The following CTIF variants were observed in gnomAD, a reference collection of about 807,000 sequenced individuals.
CTIF encodes the protein cap binding complex dependent translation initiation factor.
CTIF carries 21 observed loss-of-function variants against 66.0 expected under a neutral mutation model. The ratio of observed to expected loss-of-function variants is 0.32; its 90% CI spans 0.23 to 0.46. The LOEUF is 0.46. Ranked by LOEUF, CTIF falls within the 20% of genes least tolerant of loss-of-function variation. The pLI is 1.00. For synonymous variants in CTIF, 345 were observed against 326.4 expected (o/e 1.06, Z -0.62); for missense variants, 739 against 812.7 (o/e 0.91, Z 1.10).
At chr18:48,746,805 C>T (rs1053601857) in intron 7 of CTIF, among the ~76,000 whole-genome samples, 11 of 152,134 alleles carry the variant, frequency 7.2e-5, no homozygotes, top group Admixed American at 4.6e-4. Context: ...CCCATCCCCA[C>T]TACTTCTCTG....
At chr18:48,634,937 C>G (rs2090785752) in intron 2 of CTIF, among the ~76,000 whole-genome samples, 1 of 152,128 alleles carries the variant, frequency 6.6e-6, no homozygotes, top group African/African-American at 2.4e-5. Flanking sequence ...TATTGATTAC[C>G]TGTTGAAGTG....
chr18:48,854,501 C>T (rs943289886), intron 10 of CTIF, among the ~76,000 whole-genome samples: 1 of 152,178 alleles, frequency 6.6e-6, no homozygotes, highest in African/African-American at 2.4e-5. Context: ...TAGAGGCAAA[C>T]GTGTGCAGGC....
At chr18:48,588,631 C>T (rs1012980642) in intron 1 of CTIF, among the ~76,000 whole-genome samples, 4 of 152,166 alleles carry the variant, frequency 2.6e-5, no homozygotes, top group Admixed American at 6.5e-5. Context: ...CTGCCCGGCT[C>T]GCTCCACATC....
intron 1 of CTIF, among the ~76,000 whole-genome samples, chr18:48,594,372 T>C (rs1402107792): frequency 8.0e-6 from 1 of 125,112 alleles, no homozygotes; most frequent in Non-Finnish European, 1.6e-5. Flanking sequence ...ATATAGCCAG[T>C]CCTGCTTGCT....
chr18:48,764,436 AC>A (rs1399088185), intron 9 of CTIF, among the ~76,000 whole-genome samples: 1 of 152,074 alleles, frequency 6.6e-6, no homozygotes, highest in Non-Finnish European at 1.5e-5. Context: ...GGAGGTGGGA[AC>A]CCCTCTACTT....
At chr18:48,765,946 T>A (rs965758216) in intron 9 of CTIF, among the ~76,000 whole-genome samples, 9 of 137,708 alleles carry the variant, frequency 6.5e-5, no homozygotes, top group Non-Finnish European at 1.1e-4. Context: ...TTTTATTTTT[T>A]AATCATTTTT....
intron 9 of CTIF, among the ~76,000 whole-genome samples, chr18:48,788,611 G>A (rs1422207007): frequency 2.0e-5 from 3 of 152,168 alleles, no homozygotes; most frequent in African/African-American, 7.2e-5. Flanking sequence ...TGGAGCTGGA[G>A]GAGGTCAGGG....
intron 1 of CTIF, chr18:48,567,811 G>A (rs7240397): frequency 0.16 from 24,222 of 152,244 alleles, 3,925 homozygotes; most frequent in African/African-American, 0.42. Context: ...CCAGTGGGGG[G>A]CTTGACACAC....
chr18:48,598,271 A>G (rs1402843065), intron 1 of CTIF, among the ~76,000 whole-genome samples: 2 of 152,218 alleles, frequency 1.3e-5, no homozygotes, highest in African/African-American at 4.8e-5. Context: ...TCACAAACGA[A>G]CAATCAAAAC....
chr18:48,814,885 C>A (rs1235013680), intron 9 of CTIF, among the ~76,000 whole-genome samples: 1 of 152,186 alleles, frequency 6.6e-6, no homozygotes, highest in Non-Finnish European at 1.5e-5. Flanking sequence ...CAGAACTCTA[C>A]AATCATACCC....
In CTIF at chr18:48,730,480, CGGTGTG is replaced by C. The variant is rs1568171630; in HGVS notation, c.584+18786_584+18791del. On this transcript the variant is annotated intron_variant, in intron 7 of 11. Coordinates refer to ENST00000256413, the MANE Select transcript of CTIF (RefSeq NM_014772.3). ...GCTTCCGCGGTGTGAGGGGCTTCCG[CGGTGTG>C]AGGGGCTTCTGCGGTGTGAGGGGCT... Among the ~76,000 whole-genome samples, 13 of 121,588 alleles carry C rather than the reference CGGTGTG, an allele frequency of 1.1e-4. 2 individuals are homozygous for C. Among genetic ancestry groups the C allele is most frequent in the African/African-American group, 3.6e-4 (12 of 32,926 alleles). 79.8% of individuals were successfully genotyped at this position (121,588 alleles called of 152,430 possible). A position where few individuals can be genotyped will look rare whatever the true frequency, so the allele number is the denominator to read the frequency against.
At chr18:48,692,332 A>C (rs1344428230) in intron 6 of CTIF, among the ~76,000 whole-genome samples, 2 of 114,992 alleles carry the variant, frequency 1.7e-5, no homozygotes, top group African/African-American at 1.3e-4. Context: ...ACAAAAAACA[A>C]AAAACAAAAA....
intron 1 of CTIF, among the ~76,000 whole-genome samples, chr18:48,575,218 G>A (rs955649486): frequency 1.3e-5 from 2 of 152,120 alleles, no homozygotes; most frequent in African/African-American, 2.4e-5. Flanking sequence ...AATTTACCAG[G>A]GACTTTACAT....
chr18:48,695,390 G>A (rs1007154368), intron 6 of CTIF, among the ~76,000 whole-genome samples: 1 of 152,164 alleles, frequency 6.6e-6, no homozygotes, highest in African/African-American at 2.4e-5. Flanking sequence ...GCCAGAGAAA[G>A]GGAACCCACG....
intron 6 of CTIF, among the ~76,000 whole-genome samples, chr18:48,674,362 G>A (rs1357011069): frequency 6.6e-6 from 1 of 152,262 alleles, no homozygotes. Flanking sequence ...AGCTCCTGCA[G>A]TCTGGGGCGT....
At chr18:48,689,839 G>A (rs1466534163) in intron 6 of CTIF, among the ~76,000 whole-genome samples, 2 of 152,164 alleles carry the variant, frequency 1.3e-5, no homozygotes, top group Non-Finnish European at 2.9e-5. Flanking sequence ...TGGGCAATGG[G>A]TCCTGGGCAT....
chr18:48,673,644 C>T (rs1463517262), intron 6 of CTIF: 1 of 152,268 alleles, frequency 6.6e-6, no homozygotes, highest in African/African-American at 2.4e-5. Context: ...GTTCTGTGGC[C>T]CTGCCATCTC....
intron 10 of CTIF, among the ~76,000 whole-genome samples, chr18:48,837,725 C>CA (rs1050199014): frequency 1.3e-5 from 2 of 152,144 alleles, no homozygotes. Context: ...GCCCTAAAAT[C>CA]AAAGAGTGAG....
chr18:48,654,617 T>A lies in CTIF; in HGVS notation c.253-9135T>A, dbSNP rs1273807918. Among the ~76,000 whole-genome samples the A allele has an allele frequency of 2.6e-5, 4 of 152,322 alleles. No homozygotes were observed. The East Asian group carries it at 7.7e-4, about 29-fold the overall frequency. On this transcript the variant is annotated intron_variant, in intron 3 of 11. Transcript: ENST00000256413. ...AATACCATTTGACCCAGCCATCCCA[T>A]TACTGGGTATATACCCAAAGGATTA...
Sources: allele counts gnomAD v4.1 joint callset (sites outside exome capture counted in the v4.1 genomes callset), GRCh38; gene constraint gnomAD v4.1.1; transcripts MANE v1.5; gene names NCBI Gene and HGNC (gene_info 2026-07-23, HGNC 2026-07-21).